The following NUDT3 variants were observed in gnomAD, a reference collection of about 807,000 sequenced individuals.
NUDT3 encodes the protein diphosphoinositol polyphosphate phosphohydrolase 1.
NUDT3 carries 9 observed loss-of-function variants against 23.6 expected under a neutral mutation model. The ratio of observed to expected loss-of-function variants is 0.38; its 90% confidence interval spans 0.23 to 0.66. The LOEUF (loss-of-function observed/expected upper bound fraction) is 0.66, where lower values mean the gene tolerates loss of function less well. Ranked by LOEUF, NUDT3 falls within the 30% of genes least tolerant of loss-of-function variation. The probability of loss-of-function intolerance (pLI) is 0.52; values close to 1 mark genes in which losing one functional copy is unlikely to be tolerated. For synonymous variants in NUDT3, 86 were observed against 82.6 expected (o/e 1.04, Z -0.22); for missense variants, 172 against 218.5 (o/e 0.79, Z 1.34).
chr6:34,312,939 G>C (rs185835176), intron 2 of NUDT3, among the ~76,000 whole-genome samples: 129 of 152,214 alleles, frequency 8.5e-4, no homozygotes, highest in Non-Finnish European at 1.4e-3. Flanking sequence ...GGCTGAGGTG[G>C]GTGGATCACC....
intron 2 of NUDT3, among the ~76,000 whole-genome samples, chr6:34,310,457 A>G (rs1192602754): frequency 1.3e-5 from 2 of 152,044 alleles, no homozygotes; most frequent in Non-Finnish European, 2.9e-5. Context: ...TTGAACTGGG[A>G]AGCGGAGGTT....
chr6:34,293,653 T>C, intron 3 of NUDT3, 118 bp from the exon 4 acceptor site: 1 of 1,179,872 alleles, frequency 8.5e-7, no homozygotes, highest in Non-Finnish European at 1.2e-6. Context: ...TTCTAAACTT[T>C]TACTTTTTAT....
intron 1 of NUDT3, among the ~76,000 whole-genome samples, chr6:34,351,214 A>AAAAAAAAAC (rs1561915106): frequency 4.4e-5 from 6 of 136,264 alleles, no homozygotes; most frequent in Admixed American, 7.4e-5. Flanking sequence ...AAAAAAAAAA[A>AAAAAAAAAC]AAAAAAAAAA....
chr6:34,283,204 T>G lies in NUDT3; in HGVS notation c.*5549A>C, dbSNP rs1013069522. On this transcript the variant is annotated 3_prime_UTR_variant, in exon 5 of 5. Transcript: ENST00000607016. ...AAAATGGGATTCCCTTCCCTTTTCT[T>G]TTTTTTTTTTTTTTTTTTGAGACGG... 2 of 133,650 alleles carry G rather than the reference T, an allele frequency of 1.5e-5. No individual in the cohort carries two copies. The highest frequency in any genetic ancestry group is 3.1e-5 in the Non-Finnish European group (2 of 64,594). The allele number at this position is 133,650 out of a possible 1,614,324, so 8.3% of individuals were successfully genotyped here.
Position 34,356,779 on chromosome 6 carries a change from G to GT in NUDT3, c.100-14808dup, listed in dbSNP as rs201105257. On this transcript the variant is annotated intron_variant, in intron 1 of 4. Coordinates refer to ENST00000607016, the MANE Select transcript of NUDT3 (RefSeq NM_006703.4). ...TAGGTATAATTATGGAATTGTGGGG[G>GT]TTTTTTTTGTTTTCTTTTGACGGAG... Among the ~76,000 whole-genome samples the GT allele has an allele frequency of 4.6e-3, 691 of 151,674 alleles. 8 individuals are homozygous for GT. The highest frequency in any genetic ancestry group is 0.015 in the African/African-American group (618 of 41,358).
chr6:34,326,454 T>G (rs1370843377), intron 2 of NUDT3, among the ~76,000 whole-genome samples: 1 of 152,204 alleles, frequency 6.6e-6, no homozygotes, highest in Non-Finnish European at 1.5e-5. Flanking sequence ...CATACTTTGG[T>G]TGTTTTTCAC....
intron 1 of NUDT3, among the ~76,000 whole-genome samples, chr6:34,365,230 G>A (rs1264334600): frequency 2.0e-5 from 3 of 151,822 alleles, no homozygotes; most frequent in Non-Finnish European, 4.4e-5. Flanking sequence ...AGGAGTCTGA[G>A]ACCAGCCTGG....
At position 34,364,511 on chromosome 6, in the gene NUDT3, AAACAAC is replaced by A. The variant is rs552823860; in HGVS notation, c.100-22545_100-22540del. On this transcript the variant is annotated intron_variant, in intron 1 of 4. Transcript: ENST00000607016. ...TGGCCTGCCATGGCCTAGGATATTA[AAACAAC>A]AACAACAACAACAACGGAACAAATC... is the stretch of plus-strand genomic sequence containing the variant. Among the ~76,000 whole-genome samples the A allele has an allele frequency of 6.6e-5, 10 of 152,220 alleles. No individual in the cohort carries two copies. In the South Asian group the frequency reaches 1.5e-3, roughly 22 times the overall value.
rs1763309501 is a variant in NUDT3 at position 34,284,186 on chromosome 6, AG to A, written c.*4566del. On this transcript the variant is annotated 3_prime_UTR_variant, in exon 5 of 5. Transcript: ENST00000607016. ...TTCCACAGTCTTTAAGAAACAGAAG[AG>A]CCATTTGCATTATTTAATCACCATT... 6.6e-6 allele frequency: 1 copy of A among 152,182 alleles called. No individual in the cohort carries two copies. The highest frequency in any genetic ancestry group is 1.5e-5 in the Non-Finnish European group (1 of 68,032). The allele number at this position is 152,182 out of a possible 1,614,324, so 9.4% of individuals were successfully genotyped here.
At chr6:34,306,546 C>G (rs1387275811) in intron 2 of NUDT3, among the ~76,000 whole-genome samples, 1 of 152,194 alleles carries the variant, frequency 6.6e-6, no homozygotes, top group Non-Finnish European at 1.5e-5. Flanking sequence ...GAATGTGGAG[C>G]TGGATGGAAA....
At chr6:34,376,845 A>G (rs1764930565) in intron 1 of NUDT3, among the ~76,000 whole-genome samples, 1 of 151,986 alleles carries the variant, frequency 6.6e-6, no homozygotes, top group South Asian at 2.1e-4. Flanking sequence ...TCAAGGCTCT[A>G]TACCCTTAGC....
chr6:34,389,356 T>C (rs2113774219), intron 1 of NUDT3, among the ~76,000 whole-genome samples: 1 of 152,370 alleles, frequency 6.6e-6, no homozygotes, highest in African/African-American at 2.4e-5. Flanking sequence ...CTTTGCCTTC[T>C]GCCATGATTG....
intron 2 of NUDT3, among the ~76,000 whole-genome samples, chr6:34,317,125 T>C (rs1414122321): frequency 1.3e-5 from 2 of 152,152 alleles, no homozygotes; most frequent in Non-Finnish European, 2.9e-5. Flanking sequence ...GGTTTTGGGT[T>C]AAGTAACTTA....
At chr6:34,384,546 G>C (rs943106584) in intron 1 of NUDT3, among the ~76,000 whole-genome samples, 5 of 152,078 alleles carry the variant, frequency 3.3e-5, no homozygotes, top group Admixed American at 1.3e-4. Context: ...TCCTCACAGA[G>C]GCTCTAAAAA....
chr6:34,369,531 G>T (rs1032456048), intron 1 of NUDT3, among the ~76,000 whole-genome samples: 1 of 152,122 alleles, frequency 6.6e-6, no homozygotes, highest in Admixed American at 6.6e-5. Context: ...TTAAGGAGAG[G>T]GGTCTTGTAA....
At chr6:34,371,304 C>A (rs1396514082) in intron 1 of NUDT3, among the ~76,000 whole-genome samples, 1 of 150,970 alleles carries the variant, frequency 6.6e-6, no homozygotes, top group Non-Finnish European at 1.5e-5. Flanking sequence ...TTCGTCTCCA[C>A]TGAAAATAAA....
intron 2 of NUDT3, among the ~76,000 whole-genome samples, chr6:34,310,102 C>A (rs551146878): frequency 1.3e-5 from 2 of 152,166 alleles, no homozygotes; most frequent in Admixed American, 1.3e-4. Flanking sequence ...GCATAGTGGT[C>A]TGTTCATGTA....
chr6:34,337,590 G>C (rs58412553), intron 2 of NUDT3, among the ~76,000 whole-genome samples: 63 of 152,242 alleles, frequency 4.1e-4, no homozygotes, highest in African/African-American at 1.5e-3. Context: ...CTCCCTCAAT[G>C]CATTTCCTGT....
At chr6:34,386,147 G>A (rs1310214885) in intron 1 of NUDT3, among the ~76,000 whole-genome samples, 1 of 152,218 alleles carries the variant, frequency 6.6e-6, no homozygotes, top group African/African-American at 2.4e-5. Flanking sequence ...GCAGCCTGCT[G>A]TGTAACAGCC....
Sources: allele counts gnomAD v4.1 joint callset (sites outside exome capture counted in the v4.1 genomes callset), GRCh38; gene constraint gnomAD v4.1.1; transcripts MANE v1.5; gene names NCBI Gene and HGNC (gene_info 2026-07-23, HGNC 2026-07-21).